CSGALNACT1: variants seen among roughly 807,000 people sequenced by gnomAD.
The protein encoded by CSGALNACT1 is beta4GalNAcT-1.
A neutral mutation model predicts 51.0 loss-of-function variants in CSGALNACT1; 52 were observed. That is an observed-to-expected ratio of 1.02 (90% CI 0.82 to 1.29). CSGALNACT1 has a LOEUF of 1.29. Among genes scored for constraint, CSGALNACT1 ranks in the 50% most tolerant of loss-of-function variants. The pLI is 0.00. For missense variants in CSGALNACT1, 935 were observed against 679.2 expected, an observed-to-expected ratio of 1.38 and a Z score of -4.19; for synonymous variants, 341 against 254.4, an observed-to-expected ratio of 1.34 and a Z score of -3.24.
At chr8:19,479,473 C>G (rs781690327) in intron 4 of CSGALNACT1, among the ~76,000 whole-genome samples, 1 of 152,182 alleles carries the variant, frequency 6.6e-6, no homozygotes, top group Non-Finnish European at 1.5e-5. Context: ...TATTCTTTTT[C>G]TTTCATTATT....
chr8:19,731,577 CT>C (rs1001811048), intron 1 of CSGALNACT1, among the ~76,000 whole-genome samples: 1 of 152,132 alleles, frequency 6.6e-6, no homozygotes, highest in African/African-American at 2.4e-5. Flanking sequence ...ACTGATGCCA[CT>C]TTCCCCTAAT....
At chr8:19,434,237 C>T (rs1176859386) in intron 6 of CSGALNACT1, among the ~76,000 whole-genome samples, 2 of 152,180 alleles carry the variant, frequency 1.3e-5, no homozygotes, top group Non-Finnish European at 2.9e-5. Context: ...TTAAACAGTG[C>T]ATTCTATTCC....
At chr8:19,509,067 A>T (rs1332343428) in intron 3 of CSGALNACT1, among the ~76,000 whole-genome samples, 1 of 152,242 alleles carries the variant, frequency 6.6e-6, no homozygotes, top group Non-Finnish European at 1.5e-5. Context: ...ACTGCTGCCA[A>T]GGAGGCAGCA....
chr8:19,529,803 C>T (rs1447548685), intron 3 of CSGALNACT1, among the ~76,000 whole-genome samples: 1 of 152,164 alleles, frequency 6.6e-6, no homozygotes, highest in East Asian at 1.9e-4. Flanking sequence ...TAAGCACATC[C>T]TCCTGTATAC....
intron 1 of CSGALNACT1, among the ~76,000 whole-genome samples, chr8:19,715,056 T>C (rs10087676): frequency 0.44 from 67,418 of 152,034 alleles, 15,824 homozygotes; most frequent in East Asian, 0.65. Context: ...ATTGGACTTA[T>C]AGTTCCACAT....
chr8:19,459,526 T>C (rs1243550859), intron 4 of CSGALNACT1, among the ~76,000 whole-genome samples: 1 of 151,966 alleles, frequency 6.6e-6, no homozygotes, highest in Non-Finnish European at 1.5e-5. Flanking sequence ...CTAGAAGCAT[T>C]AAAATAACAC....
At chr8:19,564,241 T>G (rs1173438065) in intron 3 of CSGALNACT1, among the ~76,000 whole-genome samples, 1 of 152,200 alleles carries the variant, frequency 6.6e-6, no homozygotes, top group Non-Finnish European at 1.5e-5. Context: ...ATCTACGTTT[T>G]CTACTTTTTC....
chr8:19,478,144 G>A (rs1481397631), intron 4 of CSGALNACT1, among the ~76,000 whole-genome samples: 2 of 141,472 alleles, frequency 1.4e-5, no homozygotes, highest in East Asian at 2.3e-4. Flanking sequence ...GCCGGGTGCG[G>A]TGGCTCACGC....
intron 1 of CSGALNACT1, among the ~76,000 whole-genome samples, chr8:19,628,861 G>T (rs978556452): frequency 2.6e-5 from 4 of 152,074 alleles, no homozygotes; most frequent in Non-Finnish European, 4.4e-5. Flanking sequence ...AATATGGGGG[G>T]AGGAAAAGAA....
chr8:19,696,742 C>T (rs1325018459), intron 1 of CSGALNACT1, among the ~76,000 whole-genome samples: 1 of 152,128 alleles, frequency 6.6e-6, no homozygotes, highest in Non-Finnish European at 1.5e-5. Context: ...AAGGCTTCAG[C>T]ACACAAGTTC....
intron 1 of CSGALNACT1, among the ~76,000 whole-genome samples, chr8:19,743,967 A>G (rs893743438): frequency 2.0e-5 from 3 of 151,612 alleles, no homozygotes; most frequent in African/African-American, 7.3e-5. Flanking sequence ...ATAAGAAAGG[A>G]AAAAAAAAGA....
intron 3 of CSGALNACT1, among the ~76,000 whole-genome samples, chr8:19,514,735 A>T (rs2079190174): frequency 6.6e-6 from 1 of 150,410 alleles, no homozygotes; most frequent in Admixed American, 6.6e-5. Flanking sequence ...TGGGAGGCTG[A>T]GGAAGGAAAA....
chr8:19,674,071 T>C (rs1350993379), intron 1 of CSGALNACT1, among the ~76,000 whole-genome samples: 1 of 152,180 alleles, frequency 6.6e-6, no homozygotes, highest in Non-Finnish European at 1.5e-5. Flanking sequence ...GCAGATCACT[T>C]AAGGTCAGGA....
At chr8:19,494,875 C>T (rs1447598374) in intron 4 of CSGALNACT1, among the ~76,000 whole-genome samples, 1 of 116,730 alleles carries the variant, frequency 8.6e-6, no homozygotes, top group Non-Finnish European at 1.6e-5. Context: ...ACAGTAAAAA[C>T]AGAAAATGGG....
chr8:19,525,569 A>G (rs1167746477), intron 3 of CSGALNACT1, among the ~76,000 whole-genome samples: 1 of 137,792 alleles, frequency 7.3e-6, no homozygotes, highest in African/African-American at 2.7e-5. Context: ...GTGAGCTGAG[A>G]TCATGCCACT....
intron 3 of CSGALNACT1, among the ~76,000 whole-genome samples, chr8:19,534,850 G>T (rs759121654): frequency 6.6e-6 from 1 of 152,148 alleles, no homozygotes; most frequent in Non-Finnish European, 1.5e-5. Flanking sequence ...CAAGTCAAGT[G>T]GGGAGTTTGT....
chr8:19,545,006 T>G (rs1200048877), intron 3 of CSGALNACT1, among the ~76,000 whole-genome samples: 1 of 151,678 alleles, frequency 6.6e-6, no homozygotes, highest in Non-Finnish European at 1.5e-5. Flanking sequence ...TTCAGACATT[T>G]TTTTTTTTTC....
At chr8:19,406,945 G>C (rs1055575582) in intron 9 of CSGALNACT1, among the ~76,000 whole-genome samples, 1 of 152,230 alleles carries the variant, frequency 6.6e-6, no homozygotes, top group African/African-American at 2.4e-5. Context: ...CTGGCCTCAA[G>C]TGATCTGCCC....
At chr8:19,626,287 T>C (rs570063221) in intron 1 of CSGALNACT1, among the ~76,000 whole-genome samples, 1 of 152,278 alleles carries the variant, frequency 6.6e-6, no homozygotes, top group Non-Finnish European at 1.5e-5. Context: ...GCCAGCACAT[T>C]TATTTTTTAA....
Sources: allele counts gnomAD v4.1 joint callset (sites outside exome capture counted in the v4.1 genomes callset), GRCh38; gene constraint gnomAD v4.1.1; transcripts MANE v1.5; gene names NCBI Gene and HGNC (gene_info 2026-07-23, HGNC 2026-07-21).